Variants in GVQW3 observed in about 807,000 individuals in gnomAD.
GVQW3 encodes the protein protein GVQW3.
In GVQW3, 7 loss-of-function variants were observed where a neutral mutation model predicts 12.5. That is an observed-to-expected ratio of 0.56 (90% CI 0.32 to 1.05). The LOEUF is 1.05. Ranked by LOEUF, GVQW3 falls within the 50% of genes least tolerant of loss-of-function variation. The pLI, the probability that GVQW3 is intolerant of heterozygous loss-of-function variation, is 0.04. For missense variants in GVQW3, 188 were observed against 190.8 expected (o/e 0.99, Z 0.09); for synonymous variants, 71 against 67.2 (o/e 1.06, Z -0.28).
At chr11:76,382,742 G>C in intron 1 of GVQW3, 1 of 315,042 alleles carries the variant, frequency 3.2e-6, no homozygotes, top group African/African-American at 2.1e-5. Context: ...TGGCTGTCCT[G>C]TTCCTTTGTT....
At chr11:76,397,435 T>C (rs1034818787) in intron 1 of GVQW3, among the ~76,000 whole-genome samples, 1 of 152,242 alleles carries the variant, frequency 6.6e-6, no homozygotes. Context: ...TGAATGCTCA[T>C]GTACAAGGTT....
chr11:76,394,014 T>C (rs2134550264), intron 1 of GVQW3, among the ~76,000 whole-genome samples: 1 of 152,246 alleles, frequency 6.6e-6, no homozygotes, highest in Non-Finnish European at 1.5e-5. Context: ...TTTTCGTGCT[T>C]CAGCCTCCCG....
Position 76,414,320 on chromosome 11 carries a change from C to G in GVQW3, c.*3219C>G, listed in dbSNP as rs191442040. 2.0e-5 allele frequency: 3 copies of G among 152,094 alleles called. No individual in the cohort carries two copies. In the East Asian group the frequency reaches 5.8e-4, roughly 29 times the overall value. The allele number at this position is 152,094 out of a possible 1,614,324, so 9.4% of individuals were successfully genotyped here. ...TCTCTTCAAGACCCAGTTCAAACAC[C>G]CCTCTCTCCGTGAACCAGTTCCAAT... On this transcript the variant is annotated 3_prime_UTR_variant, in exon 2 of 2. Transcript: ENST00000662483.
At chr11:76,395,786 C>T (rs1946933226) in intron 1 of GVQW3, among the ~76,000 whole-genome samples, 6 of 152,142 alleles carry the variant, frequency 3.9e-5, no homozygotes, top group Admixed American at 3.9e-4. Context: ...TTTTAATGAC[C>T]TTATCTATCA....
rs1946773903 is a variant in GVQW3, at chr11:76,381,930, G to A, written c.102G>A (p.Gly34=). The change falls in exon 1 of 2, where the codon GGG becomes GGA. Residue 34 remains glycine (G), a synonymous_variant. Coordinates refer to ENST00000529331, the MANE Select transcript of GVQW3 (RefSeq NM_001347885.2). The part of the protein sequence containing the change: ...ETHHLLKEAY[G]DEVMSRARVF... ...ACCATCTTTTAAAAGAAGCTTATGG[G>A]GATGAAGTCATGTCAAGGGCCAGAG... 1.3e-6 allele frequency: 2 copies of A among 1,536,404 alleles called. No homozygotes were observed. Among genetic ancestry groups the A allele is most frequent in the Non-Finnish European group, 1.7e-6 (2 of 1,146,980 alleles).
At position 76,403,977 on chromosome 11, in the gene GVQW3, A is replaced by G; in HGVS notation, c.*219A>G. ...CATTAGGGAGGGCTGCCTCTTCATT[A>G]CTCGGTCTACCAATTCAAATGCTAA... On this transcript the variant is annotated 3_prime_UTR_variant, in exon 2 of 2. Transcript: ENST00000529331. 2 of 683,796 alleles carry G rather than the reference A, an allele frequency of 2.9e-6. No homozygotes were observed. Among genetic ancestry groups the G allele is most frequent in the Non-Finnish European group, 5.4e-6 (2 of 372,856 alleles). 42.4% of individuals were successfully genotyped at this position (683,796 alleles called of 1,614,324 possible).
chr11:76,409,395 A>G (rs977990853), downstream of GVQW3, among the ~76,000 whole-genome samples: 1 of 152,224 alleles, frequency 6.6e-6, no homozygotes, highest in Non-Finnish European at 1.5e-5. Flanking sequence ...TACAAAGAGA[A>G]CAGCTAGTTC....
At position 76,382,016 on chromosome 11, in the gene GVQW3, G is replaced by A. The variant is rs1307584973; in HGVS notation, c.188G>A (p.Ser63Asn). Residue 63 changes from serine to asparagine, a missense_variant, in exon 1 of 2, where the codon AGT becomes AAT. Transcript: ENST00000529331. ...GAAGATGTTCGAGATGATGCCCGAA[G>A]TGGGCGTCCAGTCACCCACCGAACA... ...GREDVRDDAR[S>N]GRPVTHRTDD... is the part of the protein sequence containing the mutation. 2.0e-6 allele frequency: 3 copies of A among 1,536,362 alleles called. No individual in the cohort carries two copies. Among genetic ancestry groups the A allele is most frequent in the Non-Finnish European group, 8.7e-7 (1 of 1,146,996 alleles).
At chr11:76,393,438 C>G (rs560782823) in intron 1 of GVQW3, among the ~76,000 whole-genome samples, 1 of 152,214 alleles carries the variant, frequency 6.6e-6, no homozygotes, top group Non-Finnish European at 1.5e-5. Flanking sequence ...CCACCTCTCA[C>G]CTCACTGTCT....
At chr11:76,410,156 G>A (rs1008430112), downstream of GVQW3, among the ~76,000 whole-genome samples, 1 of 152,220 alleles carries the variant, frequency 6.6e-6, no homozygotes, top group Non-Finnish European at 1.5e-5. Flanking sequence ...TCGGGAGGCT[G>A]AGATGGGAGG....
intron 1 of GVQW3, among the ~76,000 whole-genome samples, chr11:76,397,459 G>A (rs911823168): frequency 3.9e-5 from 6 of 152,182 alleles, no homozygotes; most frequent in Non-Finnish European, 8.8e-5. Context: ...GTGAACATAC[G>A]TTTTTAATTC....
At chr11:76,398,324 G>T (rs1946958373) in intron 1 of GVQW3, among the ~76,000 whole-genome samples, 1 of 151,524 alleles carries the variant, frequency 6.6e-6, no homozygotes, top group Non-Finnish European at 1.5e-5. Flanking sequence ...TTCTTCTTTT[G>T]AGACAGTCTC....
chr11:76,401,709 G>A (rs1230446318), intron 1 of GVQW3, among the ~76,000 whole-genome samples: 3 of 147,886 alleles, frequency 2.0e-5, no homozygotes, highest in African/African-American at 5.0e-5. Context: ...GGAGGCGGAG[G>A]TTGCAGTGAG....
Position 76,381,900 on chromosome 11 carries a change from G to A in GVQW3, c.72G>A (p.Glu24=). Residue 24 remains glutamate (E), a synonymous_variant, in exon 1 of 2, where the codon GAG becomes GAA. Coordinates refer to ENST00000529331, the MANE Select transcript of GVQW3 (RefSeq NM_001347885.2). ...TGAAATTGAACAAGTCTGCAAGTGA[G>A]ACCCACCATCTTTTAAAAGAAGCTT... ...FCVKLNKSAS[E]THHLLKEAYG... is the part of the protein sequence containing the mutation. 6.5e-7 allele frequency: 1 copy of A among 1,536,544 alleles called. No homozygotes were observed. Among genetic ancestry groups the A allele is most frequent in the Non-Finnish European group, 8.7e-7 (1 of 1,147,028 alleles).
In GVQW3 at chr11:76,407,781, G is replaced by A. The variant is rs1237659994; in HGVS notation, c.*4023G>A. On this transcript the variant is annotated 3_prime_UTR_variant, in exon 2 of 2. Transcript: ENST00000529331. ...TGTCCCACAATGGAGAAATTGTTAAGAAAATTACAGCATACTCATTAAGTG... is the reference window on the plus strand; with the variant it reads ...TGTCCCACAATGGAGAAATTGTTAAAAAAATTACAGCATACTCATTAAGTG... The A allele has an allele frequency of 6.6e-6, 1 of 152,022 alleles. No individual in the cohort carries two copies. The highest frequency in any genetic ancestry group is 1.5e-5 in the Non-Finnish European group (1 of 68,016). The allele number at this position is 152,022 out of a possible 1,614,324, so 9.4% of individuals were successfully genotyped here.
At chr11:76,390,096 C>T (rs1311314575) in intron 1 of GVQW3, 1 of 152,126 alleles carries the variant, frequency 6.6e-6, no homozygotes, top group Admixed American at 6.5e-5. Flanking sequence ...TGTACTTAAT[C>T]TTTGCTTTAG....
At position 76,407,576 on chromosome 11, in the gene GVQW3, C is replaced by CCAAA. The variant is rs1947053172; in HGVS notation, c.*3818_*3819insCAAA. 1.1e-5 allele frequency: 1 copy of CCAAA among 88,556 alleles called. No individual in the cohort carries two copies. The highest frequency in any genetic ancestry group is 2.4e-5 in the Non-Finnish European group (1 of 42,116). The allele number at this position is 88,556 out of a possible 1,614,324, so 5.5% of individuals were successfully genotyped here. ...TGGGCGGCAGAGCAAGACTCCCTCT[C>CCAAA]AAAAAAAAAAAAAAAAAAAAAAAAA... is the stretch of plus-strand genomic sequence containing the variant. On this transcript the variant is annotated 3_prime_UTR_variant, in exon 2 of 2. Coordinates refer to ENST00000529331, the MANE Select transcript of GVQW3 (RefSeq NM_001347885.2).
rs1038981528 is a variant in GVQW3 at position 76,407,274 on chromosome 11, C to T, written c.*3516C>T. 1.3e-5 allele frequency: 2 copies of T among 151,920 alleles called. No individual in the cohort carries two copies. The highest frequency in any genetic ancestry group is 2.4e-5 in the African/African-American group (1 of 41,358). The allele number at this position is 151,920 out of a possible 1,614,324, so 9.4% of individuals were successfully genotyped here. A position where few individuals can be genotyped will look rare whatever the true frequency, so the allele number is the denominator to read the frequency against. On this transcript the variant is annotated 3_prime_UTR_variant, in exon 2 of 2. Transcript: ENST00000529331. ...CAGAGCAATTTCGCAATGAGCATCA[C>T]GAAGCTTTAAAGAGTTTAAACCACA...
rs111905486 is a variant in GVQW3 at position 76,384,102 on chromosome 11, A to G, written c.465+1809A>G. Among the ~76,000 whole-genome samples, 542 of 152,336 alleles carry G rather than the reference A, an allele frequency of 3.6e-3. 2 individuals are homozygous for G. The highest frequency in any genetic ancestry group is 0.012 in the African/African-American group (490 of 41,580). Reference sequence around the variant, plus strand: ...AAGTGGGTTCCAAGTAATACCACATAGACTGGAAACATTCAGGGGGCAGGG... The same window carrying G: ...AAGTGGGTTCCAAGTAATACCACATGGACTGGAAACATTCAGGGGGCAGGG... On this transcript the variant is annotated intron_variant, in intron 1 of 1. Transcript: ENST00000529331.
Sources: gnomAD v4.1 joint callset for allele counts (sites outside exome capture counted in the v4.1 genomes callset) on GRCh38, gnomAD v4.1.1 for gene constraint, MANE v1.5 for transcripts, NCBI Gene and HGNC (gene_info 2026-07-23, HGNC 2026-07-21) for gene names.